The following UGT1A1 variants were observed in gnomAD, a reference collection of about 807,000 sequenced individuals.
UGT1A1 encodes UDP-glucuronosyltransferase 1A1.
UGT1A1 carries 33 observed loss-of-function variants against 40.6 expected under a neutral mutation model. That is an observed-to-expected ratio of 0.81 (90% CI 0.62 to 1.09). The LOEUF (loss-of-function observed/expected upper bound fraction) is 1.09, where lower values mean the gene tolerates loss of function less well. UGT1A1 is among the 50% of genes least tolerant of loss of function. The pLI is 0.00. For synonymous variants in UGT1A1, 249 were observed against 265.0 expected (o/e 0.94, Z 0.59); for missense variants, 694 against 671.2 (o/e 1.03, Z -0.38).
At chr2:233,764,795 T>C (rs148070412) in intron 1 of UGT1A1, among the ~76,000 whole-genome samples, 7 of 152,082 alleles carry the variant, frequency 4.6e-5, no homozygotes, top group Non-Finnish European at 7.4e-5. Flanking sequence ...CCTCAGGGTG[T>C]TCTTGCTACA....
At chr2:233,770,225 G>C (rs747501170) in intron 4 of UGT1A1, 1 of 152,132 alleles carries the variant, frequency 6.6e-6, no homozygotes, top group Admixed American at 6.5e-5. Flanking sequence ...CTGTCTGATT[G>C]TGAATCTCCA....
In UGT1A1 at chr2:233,769,947, C is replaced by T. The variant is rs202080312; in HGVS notation, c.1304+1508C>T. On this transcript the variant is annotated intron_variant, in intron 4 of 4. Coordinates refer to ENST00000305208, the MANE Select transcript of UGT1A1 (RefSeq NM_000463.3). The surrounding 1 kb of genome is among the most constrained non-coding windows in gnomAD (Gnocchi z 4.4). ...GTGTGGTCCCATTCCTTCCTTCCAG[C>T]GGCTTCTTCTGGCCACCTCAATGTC... The T allele has an allele frequency of 2.2e-5, 5 of 224,160 alleles. No homozygotes were observed. Among genetic ancestry groups the T allele is most frequent in the Non-Finnish European group, 3.5e-5 (4 of 114,192 alleles). 13.9% of individuals were successfully genotyped at this position (224,160 alleles called of 1,614,324 possible). A position where few individuals can be genotyped will look rare whatever the true frequency, so the allele number is the denominator to read the frequency against.
In UGT1A1 at chr2:233,767,120, G is replaced by A; in HGVS notation, c.951G>A (p.Lys317=). The A allele has an allele frequency of 1.2e-6, 2 of 1,614,156 alleles. No individual in the cohort carries two copies. The highest frequency in any genetic ancestry group is 1.7e-6 in the Non-Finnish European group (2 of 1,180,028). ...CAATGGTCTCAGAAATTCCAGAGAA[G>A]AAAGCTATGGCAATTGCTGATGCTT... ...LGSMVSEIPE[K]KAMAIADALG... The change falls in exon 2 of 5, where the codon AAG becomes AAA. Residue 317 remains lysine, a synonymous_variant. Transcript: ENST00000305208.
chr2:233,764,455 C>T (rs1040568062), intron 1 of UGT1A1, among the ~76,000 whole-genome samples: 13 of 152,170 alleles, frequency 8.5e-5, no homozygotes, highest in African/African-American at 2.7e-4. Context: ...TTTAAACTTT[C>T]GTGATCTCCT....
chr2:233,762,317 G>A (rs1012731348), intron 1 of UGT1A1, among the ~76,000 whole-genome samples: 5 of 152,210 alleles, frequency 3.3e-5, no homozygotes, highest in African/African-American at 1.2e-4. Flanking sequence ...AATGGGTCGA[G>A]AGTAATCCAC....
chr2:233,760,323 C>G lies in UGT1A1; in HGVS notation c.36C>G (p.Val12=), dbSNP rs760176104. The G allele has an allele frequency of 1.7e-5, 27 of 1,613,844 alleles. No individual in the cohort carries two copies. Among genetic ancestry groups the G allele is most frequent in the Non-Finnish European group, 2.3e-5 (27 of 1,179,968 alleles). The change falls in exon 1 of 5, where the codon GTC becomes GTG. Residue 12 remains valine (V), a synonymous_variant. Transcript: ENST00000305208. ...AVESQGGRPL[V]LGLLLCVLGP... is the part of the protein sequence containing the mutation. The stretch of plus-strand genomic sequence containing the variant: ...AGTCCCAGGGCGGACGCCCACTTGT[C>G]CTGGGCCTGCTGCTGTGTGTGCTGG...
intron 1 of UGT1A1, among the ~76,000 whole-genome samples, chr2:233,765,617 G>T (rs988431612): frequency 1.3e-5 from 2 of 151,904 alleles, no homozygotes; most frequent in African/African-American, 4.8e-5. Flanking sequence ...GGGGTGAGGG[G>T]TGAGGGGAGG....
At chr2:233,766,979 T>C in intron 1 of UGT1A1, 55 bp from the exon 2 acceptor site, 1 of 1,612,672 alleles carries the variant, frequency 6.2e-7, no homozygotes, top group Non-Finnish European at 8.5e-7. Flanking sequence ...TTACTGTATG[T>C]AGTCATCAAA....
Position 233,773,040 on chromosome 2 carries a change from C to T in UGT1A1, c.*481C>T, listed in dbSNP as rs1347868003. On this transcript the variant is annotated 3_prime_UTR_variant, in exon 5 of 5. Coordinates refer to ENST00000305208, the MANE Select transcript of UGT1A1 (RefSeq NM_000463.3). ...ACCTTGTGTGTTTAAAGAAGGGAAGCTTTGTACCTTTAGAGTGTAGGTGAA... is the reference window on the plus strand; with the variant it reads ...ACCTTGTGTGTTTAAAGAAGGGAAGTTTTGTACCTTTAGAGTGTAGGTGAA... The T allele has an allele frequency of 5.1e-6, 1 of 194,624 alleles. No individual in the cohort carries two copies. Among genetic ancestry groups the T allele is most frequent in the Non-Finnish European group, 1.1e-5 (1 of 93,038 alleles). 12.1% of individuals were successfully genotyped at this position (194,624 alleles called of 1,614,324 possible).
intron 1 of UGT1A1, among the ~76,000 whole-genome samples, chr2:233,764,040 T>A (rs1199805174): frequency 6.6e-6 from 1 of 152,160 alleles, no homozygotes; most frequent in East Asian, 1.9e-4. Flanking sequence ...AAAGAAGAAT[T>A]CTGGGAAAAT....
intron 3 of UGT1A1, 63 bp downstream of exon 3, chr2:233,767,999 A>G: frequency 6.2e-7 from 1 of 1,614,190 alleles, no homozygotes; most frequent in Non-Finnish European, 8.5e-7. Context: ...TGGCTTAAGC[A>G]CAGCTATTCT....
In UGT1A1 at chr2:233,767,158, C is replaced by T; in HGVS notation, c.989C>T (p.Pro330Leu). ...MAIADALGKI[P>L]QTVLWRYTGT... Reference sequence around the variant, plus strand: ...ATTGCTGATGCTTTGGGCAAAATCCCTCAGACAGTAAGAAGATTCTATACC... The same window carrying T: ...ATTGCTGATGCTTTGGGCAAAATCCTTCAGACAGTAAGAAGATTCTATACC... Residue 330 changes from proline to leucine, a missense_variant, in exon 2 of 5, where the codon CCT (proline) becomes CTT (leucine). Transcript: ENST00000305208. The T allele has an allele frequency of 6.2e-7, 1 of 1,614,062 alleles. No individual in the cohort carries two copies. Among genetic ancestry groups the T allele is most frequent in the Non-Finnish European group, 8.5e-7 (1 of 1,179,998 alleles).
chr2:233,772,331 C>G lies in UGT1A1; in HGVS notation c.1374C>G (p.Ala458=). ...GCCCGGTGGAGCCGCTGGACCTGGC[C>G]GTGTTCTGGGTGGAGTTTGTGATGA... ...KDRPVEPLDL[A]VFWVEFVMRH... Residue 458 remains alanine (A), a synonymous_variant, in exon 5 of 5, where the codon GCC becomes GCG. Coordinates refer to ENST00000305208, the MANE Select transcript of UGT1A1 (RefSeq NM_000463.3). The G allele has an allele frequency of 6.2e-7, 1 of 1,614,136 alleles. No individual in the cohort carries two copies. The highest frequency in any genetic ancestry group is 8.5e-7 in the Non-Finnish European group (1 of 1,180,034).
At chr2:233,764,440 T>C (rs763083993) in intron 1 of UGT1A1, among the ~76,000 whole-genome samples, 3 of 152,220 alleles carry the variant, frequency 2.0e-5, no homozygotes, top group Non-Finnish European at 2.9e-5. Context: ...TGAACTTTTG[T>C]GCCATTTAAA....
chr2:233,767,800 A>G (rs1049574519), intron 2 of UGT1A1, 49 bp from the exon 3 acceptor site: 1 of 1,614,072 alleles, frequency 6.2e-7, no homozygotes, highest in African/African-American at 1.3e-5. Context: ...TTTGTTTTCT[A>G]ATCATATTAT....
intron 1 of UGT1A1, 116 bp from the exon 2 acceptor site, chr2:233,766,918 A>G: frequency 1.3e-6 from 2 of 1,548,282 alleles, no homozygotes; most frequent in Non-Finnish European, 1.7e-6. Flanking sequence ...TCTATCTCAA[A>G]CACGCATGCC....
Position 233,768,439 on chromosome 2 carries a change from G to A in UGT1A1, c.1304G>A (p.Ser435Asn), listed in dbSNP as rs1306719122. The change falls in exon 4 of 5, where the codon AGT becomes AAT. Residue 435 changes from serine (S) to asparagine (N), a missense_variant and splice_region_variant. Coordinates refer to ENST00000305208, the MANE Select transcript of UGT1A1 (RefSeq NM_000463.3). ...NALKAVINDK[S>N]YKENIMRLSS... The stretch of plus-strand genomic sequence containing the variant: ...CTAAAAGCAGTCATCAATGACAAAA[G>A]GTAAGAAAGAAGATACAGAAGAATA... 3.1e-6 allele frequency: 5 copies of A among 1,613,244 alleles called. No individual in the cohort carries two copies. The highest frequency in any genetic ancestry group is 1.3e-5 in the African/African-American group (1 of 74,970).
At position 233,760,660 on chromosome 2, in the gene UGT1A1, T is replaced by C; in HGVS notation, c.373T>C (p.Ser125Pro). The C allele has an allele frequency of 6.2e-7, 1 of 1,614,244 alleles. No homozygotes were observed. The highest frequency in any genetic ancestry group is 8.5e-7 in the Non-Finnish European group (1 of 1,180,044). Residue 125 changes from serine to proline, a missense_variant, in exon 1 of 5, where the codon TCT (serine) becomes CCT (proline). Physicochemically the swap from Ser to Pro is moderately conservative, Grantham distance 74 (BLOSUM62 -1). Coordinates refer to ENST00000305208, the MANE Select transcript of UGT1A1 (RefSeq NM_000463.3). ...KIKKDSAMLL[S>P]GCSHLLHNKE... ...AAAAAAGGACTCTGCTATGCTTTTG[T>C]CTGGCTGTTCCCACTTACTGCACAA...
intron 4 of UGT1A1, among the ~76,000 whole-genome samples, chr2:233,771,929 A>G (rs1433247357): frequency 6.6e-6 from 1 of 152,182 alleles, no homozygotes; most frequent in African/African-American, 2.4e-5. Flanking sequence ...AGCCTGGGCA[A>G]CACAATAAGA....
Sources: allele counts gnomAD v4.1 joint callset (sites outside exome capture counted in the v4.1 genomes callset), GRCh38; gene constraint gnomAD v4.1.1; non-coding constraint Gnocchi (gnomAD v3.1); transcripts MANE v1.5; gene names NCBI Gene and HGNC (gene_info 2026-07-23, HGNC 2026-07-21).